The following TLCD4 variants were observed in gnomAD, a reference collection of about 807,000 sequenced individuals.
The protein encoded by TLCD4 is TLC domain-containing protein 4.
Under a neutral mutation model 24.2 loss-of-function variants are expected in TLCD4, and 7 were observed. The observed-to-expected ratio is 0.29, with a 90% CI of 0.16 to 0.54. The LOEUF (loss-of-function observed/expected upper bound fraction) is 0.54. TLCD4 is among the 20% of genes least tolerant of loss of function. The pLI, the probability that TLCD4 is intolerant of heterozygous loss-of-function variation, is 0.95. For synonymous variants in TLCD4, 103 were observed against 106.4 expected, an observed-to-expected ratio of 0.97 and a Z score of 0.20; for missense variants, 259 against 313.9, an observed-to-expected ratio of 0.82 and a Z score of 1.32.
the TLCD4 span, among the ~76,000 whole-genome samples, chr1:95,097,573 A>G: frequency 6.6e-6 from 1 of 152,256 alleles, no homozygotes; most frequent in Non-Finnish European, 1.5e-5. Flanking sequence ...GTAACGAAGT[A>G]GGGAAACCCA....
chr1:95,169,213 G>C (rs972895162), intron 5 of TLCD4, among the ~76,000 whole-genome samples: 3 of 152,176 alleles, frequency 2.0e-5, no homozygotes, highest in African/African-American at 7.2e-5. Context: ...GTATGTCTTG[G>C]ATGGGGCCCT....
chr1:95,153,556 A>T (rs757742673), intron 5 of TLCD4, among the ~76,000 whole-genome samples: 1 of 152,134 alleles, frequency 6.6e-6, no homozygotes, highest in African/African-American at 2.4e-5. Context: ...AGTTATGCCA[A>T]TTTATCACAT....
At chr1:95,173,701 C>T (rs1412324749) in intron 5 of TLCD4, 115 bp from the exon 6 acceptor site, 2 of 1,307,894 alleles carry the variant, frequency 1.5e-6, no homozygotes, top group African/African-American at 3.0e-5. Flanking sequence ...ACTTCTTGAT[C>T]TGTTTTGGTA....
chr1:95,140,197 T>G (rs1012324502), intron 1 of TLCD4, among the ~76,000 whole-genome samples: 5 of 152,208 alleles, frequency 3.3e-5, no homozygotes, highest in African/African-American at 1.2e-4. Flanking sequence ...AGTCATTTAT[T>G]ATCATTGTCA....
chr1:95,120,818 G>T (rs902712582), intron 1 of TLCD4, among the ~76,000 whole-genome samples: 1 of 152,174 alleles, frequency 6.6e-6, no homozygotes, highest in African/African-American at 2.4e-5. Flanking sequence ...TATTTCTATT[G>T]AATTTCTGTT....
At chr1:95,137,880 G>A (rs1212256670) in intron 1 of TLCD4, among the ~76,000 whole-genome samples, 2 of 152,012 alleles carry the variant, frequency 1.3e-5, no homozygotes, top group Non-Finnish European at 2.9e-5. Context: ...GGGACTACAG[G>A]AATGTGCTAC....
chr1:95,192,155 T>A lies in TLCD4; in HGVS notation c.*287T>A, dbSNP rs1275660676. 2.8e-6 allele frequency: 1 copy of A among 356,498 alleles called. No individual in the cohort carries two copies. The highest frequency in any genetic ancestry group is 2.2e-5 in the African/African-American group (1 of 45,808). 22.1% of individuals were successfully genotyped at this position (356,498 alleles called of 1,614,324 possible). Reference sequence around the variant, plus strand: ...TACTAAAAATACAAAAAAAAGTAGCTGGGCGTGGTGGTTGGCGCCTGTAAT... The same window carrying A: ...TACTAAAAATACAAAAAAAAGTAGCAGGGCGTGGTGGTTGGCGCCTGTAAT... On this transcript the variant is annotated 3_prime_UTR_variant, in exon 7 of 7. Transcript: ENST00000370203.
In TLCD4 at chr1:95,192,874, T is replaced by C. The variant is rs1463185710; in HGVS notation, c.*1006T>C. The C allele has an allele frequency of 2.6e-4, 39 of 152,204 alleles. No individual in the cohort carries two copies. The highest frequency in any genetic ancestry group is 2.2e-3 in the Admixed American group (33 of 15,286). The allele number at this position is 152,204 out of a possible 1,614,324, so 9.4% of individuals were successfully genotyped here. On this transcript the variant is annotated 3_prime_UTR_variant, in exon 7 of 7. Coordinates refer to ENST00000370203, the MANE Select transcript of TLCD4 (RefSeq NM_152487.3). ...TTTTATAATAAGGCTTAAGACAGAT[T>C]ATAGACCTCCTTAAGAGATGAGTTT...
At chr1:95,139,498 A>T (rs1363404978) in intron 1 of TLCD4, among the ~76,000 whole-genome samples, 3 of 61,190 alleles carry the variant, frequency 4.9e-5, no homozygotes, top group Non-Finnish European at 1.0e-4. Flanking sequence ...CATTCTTGTC[A>T]CCTAGGCTGG....
At chr1:95,140,574 C>T (rs749882689) in intron 1 of TLCD4, 2 of 152,280 alleles carry the variant, frequency 1.3e-5, no homozygotes, top group Middle Eastern at 3.4e-3. Context: ...CTTTGATGTC[C>T]ACAATTCCTG....
At chr1:95,103,909 T>C in the TLCD4 span, among the ~76,000 whole-genome samples, 1 of 152,236 alleles carries the variant, frequency 6.6e-6, no homozygotes, top group South Asian at 2.1e-4. Context: ...ACCTCTATGT[T>C]GATACATTAA....
At chr1:95,152,773 C>T (rs919470881) in intron 5 of TLCD4, among the ~76,000 whole-genome samples, 3 of 152,104 alleles carry the variant, frequency 2.0e-5, no homozygotes, top group Non-Finnish European at 4.4e-5. Flanking sequence ...TCTTTCACCC[C>T]TGGAGCAGGA....
intron 5 of TLCD4, among the ~76,000 whole-genome samples, chr1:95,154,407 C>T (rs1177905750): frequency 6.6e-6 from 1 of 152,128 alleles, no homozygotes; most frequent in Non-Finnish European, 1.5e-5. Context: ...GAAACATTAA[C>T]TCTGAAATGC....
chr1:95,133,842 T>G (rs1012128763), intron 1 of TLCD4, among the ~76,000 whole-genome samples: 1 of 152,058 alleles, frequency 6.6e-6, no homozygotes, highest in Non-Finnish European at 1.5e-5. Flanking sequence ...CTGGACTCAT[T>G]GCTGAGTAAA....
intron 1 of TLCD4, among the ~76,000 whole-genome samples, chr1:95,122,781 C>T (rs1338505622): frequency 6.6e-6 from 1 of 152,072 alleles, no homozygotes; most frequent in Non-Finnish European, 1.5e-5. Context: ...ATTTTGGGGA[C>T]CTGGAGAAAC....
chr1:95,176,836 C>A (rs1678446885), intron 6 of TLCD4, among the ~76,000 whole-genome samples: 1 of 152,106 alleles, frequency 6.6e-6, no homozygotes, highest in Non-Finnish European at 1.5e-5. Flanking sequence ...GTATAGGGGT[C>A]CAACTTCATT....
chr1:95,136,366 C>G (rs1677041733), intron 1 of TLCD4, among the ~76,000 whole-genome samples: 1 of 152,046 alleles, frequency 6.6e-6, no homozygotes. Flanking sequence ...TTGGTATTGC[C>G]TTTAAAAATT....
chr1:95,180,496 A>T (rs561453579), intron 6 of TLCD4, among the ~76,000 whole-genome samples: 6 of 152,178 alleles, frequency 3.9e-5, no homozygotes, highest in Admixed American at 3.9e-4. Flanking sequence ...TTAGTTTGAG[A>T]TATTTTTATT....
chr1:95,187,145 A>G (rs1678853948), intron 6 of TLCD4, among the ~76,000 whole-genome samples: 1 of 152,226 alleles, frequency 6.6e-6, no homozygotes, highest in Non-Finnish European at 1.5e-5. Context: ...TTTTACATTT[A>G]CAGAAAAATC....
Sources: allele counts gnomAD v4.1 joint callset (sites outside exome capture counted in the v4.1 genomes callset), GRCh38; gene constraint gnomAD v4.1.1; transcripts MANE v1.5; gene names NCBI Gene and HGNC (gene_info 2026-07-23, HGNC 2026-07-21).